The following SLC8A1 variants were observed in gnomAD, a reference collection of about 807,000 sequenced individuals.
SLC8A1 encodes sodium/calcium exchanger 1.
A neutral mutation model predicts 68.3 loss-of-function variants in SLC8A1; 18 were observed. The observed-to-expected ratio is 0.26, with a 90% CI of 0.18 to 0.39. SLC8A1 has a LOEUF of 0.39. SLC8A1 is among the 10% of genes least tolerant of loss of function. The probability of loss-of-function intolerance (pLI) is 1.00; values close to 1 mark genes in which losing one functional copy is unlikely to be tolerated. For synonymous variants in SLC8A1, 475 were observed against 415.5 expected, an observed-to-expected ratio of 1.14 and a Z score of -1.74; for missense variants, 985 against 1,156.7, an observed-to-expected ratio of 0.85 and a Z score of 2.15.
chr2:40,418,874 G>T (rs1255973786), intron 2 of SLC8A1, among the ~76,000 whole-genome samples: 1 of 152,152 alleles, frequency 6.6e-6, no homozygotes, highest in East Asian at 1.9e-4. Context: ...CTGGGGAAAA[G>T]CAGGCACAGG....
At chr2:40,484,201 G>A (rs1704807950) in intron 1 of SLC8A1, among the ~76,000 whole-genome samples, 1 of 152,228 alleles carries the variant, frequency 6.6e-6, no homozygotes, top group South Asian at 2.1e-4. Flanking sequence ...TCATTAGTCA[G>A]ATGAGTATTA....
At chr2:40,468,186 C>T (rs950640860) in intron 1 of SLC8A1, among the ~76,000 whole-genome samples, 2 of 152,118 alleles carry the variant, frequency 1.3e-5, no homozygotes, top group African/African-American at 4.8e-5. Flanking sequence ...CCCTCCACTA[C>T]TGACAATTAT....
chr2:40,300,674 G>C (rs1046710092), intron 2 of SLC8A1, among the ~76,000 whole-genome samples: 2 of 152,068 alleles, frequency 1.3e-5, no homozygotes, highest in Non-Finnish European at 2.9e-5. Context: ...TCAGATTTTG[G>C]AGACCAGAAA....
At chr2:40,218,454 A>T (rs2057820217) in intron 2 of SLC8A1, among the ~76,000 whole-genome samples, 1 of 152,226 alleles carries the variant, frequency 6.6e-6, no homozygotes, top group Non-Finnish European at 1.5e-5. Flanking sequence ...GATTGGTACA[A>T]AATTAATTGT....
At chr2:40,269,217 A>C (rs943245550) in intron 2 of SLC8A1, among the ~76,000 whole-genome samples, 4 of 152,226 alleles carry the variant, frequency 2.6e-5, no homozygotes, top group African/African-American at 9.6e-5. Context: ...CTGTTAGCTT[A>C]TTTTAACTTT....
intron 2 of SLC8A1, among the ~76,000 whole-genome samples, chr2:40,258,610 G>C (rs1270447162): frequency 6.6e-6 from 1 of 152,160 alleles, no homozygotes; most frequent in African/African-American, 2.4e-5. Context: ...GGAGGCTGAA[G>C]ACAGTGGATC....
At chr2:40,418,931 C>T (rs1008159454) in intron 2 of SLC8A1, among the ~76,000 whole-genome samples, 1 of 152,146 alleles carries the variant, frequency 6.6e-6, no homozygotes, top group Non-Finnish European at 1.5e-5. Context: ...AGCTCATCAT[C>T]ATTTATTCTC....
At chr2:40,366,063 T>G (rs924491986) in intron 2 of SLC8A1, among the ~76,000 whole-genome samples, 3 of 151,994 alleles carry the variant, frequency 2.0e-5, no homozygotes, top group Admixed American at 1.3e-4. Context: ...GACTTCATTC[T>G]TCTTCTGTAC....
chr2:40,206,500 C>G (rs2055477530), intron 2 of SLC8A1, among the ~76,000 whole-genome samples: 1 of 152,000 alleles, frequency 6.6e-6, no homozygotes, highest in East Asian at 1.9e-4. Flanking sequence ...ATTCTTCCTT[C>G]TTTTTAATTT....
At chr2:40,305,802 A>C (rs1255377026) in intron 2 of SLC8A1, among the ~76,000 whole-genome samples, 2 of 152,242 alleles carry the variant, frequency 1.3e-5, no homozygotes, top group Non-Finnish European at 2.9e-5. Context: ...TAATGAAGAT[A>C]GAGTATAGAC....
At chr2:40,503,427 T>A (rs1480406385) in intron 1 of SLC8A1, among the ~76,000 whole-genome samples, 2 of 152,026 alleles carry the variant, frequency 1.3e-5, no homozygotes, top group Non-Finnish European at 2.9e-5. Flanking sequence ...GTGTACTTTT[T>A]ATTCAACATA....
At position 40,293,860 on chromosome 2, in the gene SLC8A1, T is replaced by G. The variant is rs570863657; in HGVS notation, c.1809-116005A>C. 4.6e-4 allele frequency among the ~76,000 whole-genome samples: 70 copies of G among 152,286 alleles called. No individual in the cohort carries two copies. In the South Asian group the frequency reaches 0.014, roughly 30 times the overall value. ...CATAAAAAACAAAAAAAATCAAACTTGTAACATTACTGAGTCAGTCGTAAA... is the reference window on the plus strand; with the variant it reads ...CATAAAAAACAAAAAAAATCAAACTGGTAACATTACTGAGTCAGTCGTAAA... On this transcript the variant is annotated intron_variant, in intron 2 of 7. Transcript: ENST00000406785.
intron 1 of SLC8A1, chr2:40,446,355 C>G (rs1256736714): frequency 6.6e-6 from 1 of 152,196 alleles, no homozygotes; most frequent in East Asian, 1.9e-4. Flanking sequence ...ATGGTCCTGA[C>G]TGGGACACAG....
chr2:40,474,409 G>T (rs968667627), intron 1 of SLC8A1, among the ~76,000 whole-genome samples: 10 of 152,140 alleles, frequency 6.6e-5, no homozygotes, highest in Admixed American at 5.2e-4. Context: ...TCTCAGAAAA[G>T]AAACCTTAAA....
At chr2:40,150,775 C>G (rs889573489) in intron 6 of SLC8A1, among the ~76,000 whole-genome samples, 1 of 152,214 alleles carries the variant, frequency 6.6e-6, no homozygotes, top group African/African-American at 2.4e-5. Flanking sequence ...TAAAGCATAT[C>G]CAGAGGCCAG....
intron 2 of SLC8A1, among the ~76,000 whole-genome samples, chr2:40,249,129 A>G (rs1013249608): frequency 6.6e-6 from 1 of 152,218 alleles, no homozygotes; most frequent in Non-Finnish European, 1.5e-5. Context: ...AAGTTCATTG[A>G]TTAAGCTAAG....
At chr2:40,465,161 C>T (rs531437556) in intron 1 of SLC8A1, among the ~76,000 whole-genome samples, 5 of 152,086 alleles carry the variant, frequency 3.3e-5, no homozygotes, top group Non-Finnish European at 7.3e-5. Flanking sequence ...CATGATAATA[C>T]GAAAGTTGTT....
intron 2 of SLC8A1, among the ~76,000 whole-genome samples, chr2:40,376,627 G>C (rs1679967872): frequency 6.7e-6 from 1 of 148,362 alleles, no homozygotes; most frequent in East Asian, 1.9e-4. Flanking sequence ...TTCACGCTGT[G>C]GCAGATGCAA....
At position 40,418,740 on chromosome 2, in the gene SLC8A1, C is replaced by T. The variant is rs75129660; in HGVS notation, c.1808+9733G>A. On this transcript the variant is annotated intron_variant, in intron 2 of 7. Coordinates refer to ENST00000406785, the Ensembl canonical transcript of SLC8A1. Reference sequence around the variant, plus strand: ...CTGAGTTCATTATTGCCATGAAAAACGAATCAGATTTGAGTTGTTCCTAAT... The same window carrying T: ...CTGAGTTCATTATTGCCATGAAAAATGAATCAGATTTGAGTTGTTCCTAAT... 7.8e-3 allele frequency among the ~76,000 whole-genome samples: 1,189 copies of T among 152,290 alleles called. 12 individuals are homozygous for T. Among genetic ancestry groups the T allele is most frequent in the Middle Eastern group, 0.014 (4 of 294 alleles).
Sources: allele counts gnomAD v4.1 joint callset (sites outside exome capture counted in the v4.1 genomes callset), GRCh38; gene constraint gnomAD v4.1.1; transcripts MANE v1.5; gene names NCBI Gene and HGNC (gene_info 2026-07-23, HGNC 2026-07-21).